MACROD2: variants seen among roughly 807,000 people sequenced by gnomAD.
MACROD2 encodes mono-ADP ribosylhydrolase 2, also known as ADP-ribose glycohydrolase MACROD2.
MACROD2 carries 36 observed loss-of-function variants against 70.4 expected under a neutral mutation model. That is an observed-to-expected ratio of 0.51 (90% confidence interval 0.39 to 0.68). MACROD2 has a LOEUF of 0.68. MACROD2 is among the 30% of genes least tolerant of loss of function. MACROD2 has a pLI of 0.00. For synonymous variants in MACROD2, 172 were observed against 178.8 expected (o/e 0.96, Z 0.30); for missense variants, 496 against 538.4 (o/e 0.92, Z 0.78).
intron 4 of MACROD2, among the ~76,000 whole-genome samples, chr20:14,667,505 G>T (rs1243855075): frequency 6.6e-6 from 1 of 152,140 alleles, no homozygotes; most frequent in Admixed American, 6.6e-5. Flanking sequence ...TATTTCATAA[G>T]CCCACATAAT....
intron 5 of MACROD2, among the ~76,000 whole-genome samples, chr20:15,178,297 C>T (rs957125498): frequency 5.9e-5 from 9 of 152,182 alleles, no homozygotes; most frequent in African/African-American, 1.9e-4. Flanking sequence ...AAAGATGCCT[C>T]TACCACTCCA....
intron 5 of MACROD2, among the ~76,000 whole-genome samples, chr20:15,179,519 C>A (rs1213066630): frequency 6.6e-6 from 1 of 152,160 alleles, no homozygotes; most frequent in Admixed American, 6.5e-5. Flanking sequence ...CATCTGGGTG[C>A]AGACTGTTTT....
At chr20:15,936,685 A>ATATATATATATATATATATATATATATC (rs2065668537) in intron 11 of MACROD2, among the ~76,000 whole-genome samples, 1 of 150,844 alleles carries the variant, frequency 6.6e-6, no homozygotes, top group Non-Finnish European at 1.5e-5. Flanking sequence ...ATATATATAT[A>ATATATATATATATATATATATATATATC]TATTCATTTT....
intron 8 of MACROD2, among the ~76,000 whole-genome samples, chr20:15,724,068 A>T (rs2050826503): frequency 6.6e-6 from 1 of 152,176 alleles, no homozygotes; most frequent in African/African-American, 2.4e-5. Flanking sequence ...TCTATTTGCC[A>T]TTCTTTGTTG....
chr20:15,160,336 C>T (rs2076339819), intron 5 of MACROD2, among the ~76,000 whole-genome samples: 3 of 151,992 alleles, frequency 2.0e-5, no homozygotes, highest in Admixed American at 2.0e-4. Context: ...GATATGAGGG[C>T]AAAGGAGCTG....
At chr20:14,897,957 A>G (rs576838919) in intron 5 of MACROD2, among the ~76,000 whole-genome samples, 5 of 152,158 alleles carry the variant, frequency 3.3e-5, no homozygotes, top group Non-Finnish European at 5.9e-5. Context: ...TCATGAACCA[A>G]TCATCTCCCA....
intron 6 of MACROD2, among the ~76,000 whole-genome samples, chr20:15,303,964 A>C (rs1022810528): frequency 6.6e-6 from 1 of 152,126 alleles, no homozygotes; most frequent in African/African-American, 2.4e-5. Flanking sequence ...GCAGTTTCCT[A>C]TAGTATCCCC....
intron 4 of MACROD2, among the ~76,000 whole-genome samples, chr20:14,514,680 A>T (rs1427722292): frequency 6.6e-6 from 1 of 152,098 alleles, no homozygotes; most frequent in Non-Finnish European, 1.5e-5. Context: ...AATCCTGTTG[A>T]ACCCAGAAGA....
chr20:14,532,384 AT>A (rs554244215), intron 4 of MACROD2, among the ~76,000 whole-genome samples: 15,492 of 141,378 alleles, frequency 0.11, 1,078 homozygotes, highest in South Asian at 0.33. Context: ...TGCCCGGCTA[AT>A]TTTTTTTTTT....
chr20:15,811,195 A>G (rs531593907), intron 8 of MACROD2, among the ~76,000 whole-genome samples: 3 of 151,994 alleles, frequency 2.0e-5, no homozygotes, highest in African/African-American at 7.2e-5. Context: ...TCATCTGACA[A>G]AGGGCTAATA....
chr20:14,663,555 CAT>C (rs11474358), intron 4 of MACROD2, among the ~76,000 whole-genome samples: 18 of 145,202 alleles, frequency 1.2e-4, no homozygotes, highest in African/African-American at 1.8e-4. Flanking sequence ...CACACACACA[CAT>C]GCACACATAT....
intron 10 of MACROD2, among the ~76,000 whole-genome samples, chr20:15,916,571 A>G (rs1183970226): frequency 6.6e-6 from 1 of 152,208 alleles, no homozygotes; most frequent in African/African-American, 2.4e-5. Context: ...TTCTTGTTCC[A>G]AGACTTCCTG....
chr20:15,521,422 T>C (rs899763170), intron 8 of MACROD2, among the ~76,000 whole-genome samples: 3 of 152,230 alleles, frequency 2.0e-5, no homozygotes, highest in Non-Finnish European at 4.4e-5. Flanking sequence ...AAATAAAATA[T>C]ACAGCCCTTT....
At chr20:15,411,149 T>TACACACACACACACACACACACACACAC (rs55750139) in intron 6 of MACROD2, among the ~76,000 whole-genome samples, 1 of 144,184 alleles carries the variant, frequency 6.9e-6, no homozygotes, top group Non-Finnish European at 1.5e-5. Context: ...GATATGTATT[T>TACACACACACACACACACACACACACAC]ACACACACAC....
intron 3 of MACROD2, among the ~76,000 whole-genome samples, chr20:14,467,903 C>T (rs955554516): frequency 1.3e-5 from 2 of 152,196 alleles, no homozygotes; most frequent in Admixed American, 1.3e-4. Flanking sequence ...GTCCAGTTTC[C>T]ATGTAGGTGT....
intron 5 of MACROD2, among the ~76,000 whole-genome samples, chr20:14,727,861 T>G (rs1379626268): frequency 2.0e-5 from 3 of 152,174 alleles, no homozygotes; most frequent in African/African-American, 7.2e-5. Flanking sequence ...CACTCTGAGA[T>G]ATTATTATTA....
intron 3 of MACROD2, among the ~76,000 whole-genome samples, chr20:14,215,106 C>A (rs62208979): frequency 1.9e-4 from 1 of 5,148 alleles, no homozygotes; most frequent in East Asian, 0.011. Flanking sequence ...TCATATATAT[C>A]TATTCCATCA....
At chr20:14,574,827 A>T (rs914799635) in intron 4 of MACROD2, among the ~76,000 whole-genome samples, 1 of 148,720 alleles carries the variant, frequency 6.7e-6, no homozygotes, top group African/African-American at 2.5e-5. Context: ...CTGGCTAACA[A>T]GGTGAAACCC....
intron 4 of MACROD2, among the ~76,000 whole-genome samples, chr20:14,640,869 A>C (rs1985052849): frequency 6.6e-6 from 1 of 152,230 alleles, no homozygotes; most frequent in Admixed American, 6.5e-5. Context: ...CTCTTGCCTC[A>C]GTGTTGATGG....
Sources: gnomAD v4.1 joint callset for allele counts (sites outside exome capture counted in the v4.1 genomes callset) on GRCh38, gnomAD v4.1.1 for gene constraint, MANE v1.5 for transcripts, NCBI Gene and HGNC (gene_info 2026-07-23, HGNC 2026-07-21) for gene names.